Variants in CRABP2 observed in about 807,000 individuals in gnomAD.
CRABP2 encodes the protein cellular retinoic acid binding protein 2.
A neutral mutation model predicts 17.9 loss-of-function variants in CRABP2; 20 were observed. The observed-to-expected ratio is 1.12, with a 90% confidence interval of 0.79 to 1.63. CRABP2 has a LOEUF of 1.63. CRABP2 is among the 40% of genes most tolerant of loss of function. The pLI is 0.00. For synonymous variants in CRABP2, 76 were observed against 66.4 expected, an observed-to-expected ratio of 1.14 and a Z score of -0.70; for missense variants, 151 against 168.6, an observed-to-expected ratio of 0.90 and a Z score of 0.58.
intron 1 of CRABP2, among the ~76,000 whole-genome samples, chr1:156,704,817 T>G (rs1392622080): frequency 9.6e-5 from 10 of 104,424 alleles, no homozygotes; most frequent in South Asian, 2.8e-4. Context: ...GAGAGCAGAG[T>G]GGAAAGTGCA....
chr1:156,704,612 A>G (rs955003775), intron 1 of CRABP2, among the ~76,000 whole-genome samples: 1 of 152,222 alleles, frequency 6.6e-6, no homozygotes, highest in African/African-American at 2.4e-5. Context: ...CCTTTGACCA[A>G]CACACCCAAT....
At chr1:156,705,726 G>C (rs545656373), upstream of CRABP2, 21 of 428,930 alleles carry the variant, frequency 4.9e-5, no homozygotes, top group Middle Eastern at 6.4e-4. The surrounding 1 kb of genome is among the most constrained non-coding windows in gnomAD (Gnocchi z 5.2). Flanking sequence ...TCTAGCCCGC[G>C]TGTGGGTCCA....
intron 1 of CRABP2, among the ~76,000 whole-genome samples, chr1:156,702,321 C>T (rs531025052): frequency 6.6e-5 from 10 of 151,582 alleles, no homozygotes; most frequent in Non-Finnish European, 8.8e-5. Flanking sequence ...CATAGTGGCG[C>T]GCACCTGTAA....
Position 156,700,945 on chromosome 1 carries a change from G to A in CRABP2, c.178C>T (p.Arg60Cys), listed in dbSNP as rs771785983. 1.4e-5 allele frequency: 22 copies of A among 1,614,058 alleles called. No homozygotes were observed. Among genetic ancestry groups the A allele is most frequent in the Middle Eastern group, 3.3e-4 (2 of 6,082 alleles). Residue 60 changes from arginine (R) to cysteine (C), a missense_variant, in exon 2 of 4, where the codon CGC (arginine) becomes TGC (cysteine). Coordinates refer to ENST00000368222, the MANE Select transcript of CRABP2 (RefSeq NM_001878.4). ...TFYIKTSTTV[R>C]TTEINFKVGE... ...ACCTTGAAGTTAATCTCTGTGGTGC[G>A]CACGGTGGTGGAGGTTTTGATGTAG...
rs1036075623 is a variant in CRABP2 at position 156,700,585 on chromosome 1, G to A, written c.323C>T (p.Thr108Ile). 1.2e-6 allele frequency: 2 copies of A among 1,614,048 alleles called. No homozygotes were observed. Among genetic ancestry groups the A allele is most frequent in the African/African-American group, 2.7e-5 (2 of 74,922 alleles). Residue 108 changes from threonine to isoleucine, a missense_variant, in exon 3 of 4, where the codon ACC becomes ATC. Coordinates refer to ENST00000368222, the MANE Select transcript of CRABP2 (RefSeq NM_001878.4). ...QKLLKGEGPK[T>I]SWTRELTNDG... The stretch of plus-strand genomic sequence containing the variant: ...GTTGGTCAGTTCTCTGGTCCACGAG[G>A]TCTTGGGGCCCTCTCCCTTCAGGAG...
chr1:156,700,852 T>A, intron 2 of CRABP2, 22 bp downstream of exon 2: 1 of 1,609,708 alleles, frequency 6.2e-7, no homozygotes, highest in Non-Finnish European at 8.5e-7. Flanking sequence ...GCCATGACCC[T>A]GGAGCCCCTT....
At chr1:156,702,349 G>A (rs1280795873) in intron 1 of CRABP2, among the ~76,000 whole-genome samples, 4 of 151,558 alleles carry the variant, frequency 2.6e-5, no homozygotes. Flanking sequence ...TACTTGGGAC[G>A]CTGAGGCTGG....
intron 2 of CRABP2, 31 bp from the exon 3 acceptor site, chr1:156,700,689 G>T: frequency 1.3e-6 from 2 of 1,595,282 alleles, no homozygotes; most frequent in Non-Finnish European, 1.7e-6. Flanking sequence ...AGTGAGCTGG[G>T]CCCATAGCAG....
intron 1 of CRABP2, among the ~76,000 whole-genome samples, chr1:156,704,927 G>A (rs537094919): frequency 1.3e-5 from 2 of 152,070 alleles, no homozygotes; most frequent in African/African-American, 4.8e-5. Flanking sequence ...TGGGGATTGG[G>A]TTACCGAGGG....
At position 156,705,106 on chromosome 1, in the gene CRABP2, C is replaced by T. The variant is rs545529640; in HGVS notation, c.70+271G>A. Among the ~76,000 whole-genome samples the T allele has an allele frequency of 6.6e-6, 1 of 152,336 alleles. No homozygotes were observed. Among genetic ancestry groups the T allele is most frequent in the East Asian group, 1.9e-4 (1 of 5,180 alleles). On this transcript the variant is annotated intron_variant, in intron 1 of 3. Transcript: ENST00000368222. The surrounding 1 kb of genome is among the most constrained non-coding windows in gnomAD (Gnocchi z 5.2). Reference sequence around the variant, plus strand: ...CGGCCGCTGAGGCCAGCCTCCCCTTCCCCCAGAGGCCAACCTCGCGCTTCT... The same window carrying T: ...CGGCCGCTGAGGCCAGCCTCCCCTTTCCCCAGAGGCCAACCTCGCGCTTCT...
At chr1:156,705,613 T>A (rs1405881525), upstream of CRABP2, 4 of 669,966 alleles carry the variant, frequency 6.0e-6, no homozygotes, top group Admixed American at 2.6e-5. This position sits in a 1 kb window ranked among gnomAD's most constrained non-coding sequence, Gnocchi z 5.2. Flanking sequence ...ACAGCTTTTA[T>A]ACCCTGTACG....
In CRABP2 at chr1:156,700,884, C is replaced by A; in HGVS notation, c.239G>T (p.Arg80Met). The change falls in exon 2 of 4, where the codon AGG becomes ATG. Residue 80 changes from arginine to methionine, a missense_variant. Physicochemically the swap from Arg to Met is moderately conservative, Grantham distance 91. Transcript: ENST00000368222. ...EEFEEQTVDG[R>M]PCKSLVKWES... is the part of the protein sequence containing the mutation. ...CCTTCTGGCACTCACCTTACAGGGC[C>A]TCCCATCCACAGTCTGCTCCTCAAA... The A allele has an allele frequency of 6.2e-7, 1 of 1,613,808 alleles. No individual in the cohort carries two copies. The highest frequency in any genetic ancestry group is 8.5e-7 in the Non-Finnish European group (1 of 1,179,774).
intron 1 of CRABP2, among the ~76,000 whole-genome samples, chr1:156,701,858 G>T (rs750135498): frequency 6.6e-6 from 1 of 152,072 alleles, no homozygotes; most frequent in Non-Finnish European, 1.5e-5. Flanking sequence ...GCCAATCAAG[G>T]TTGGGTATAG....
Position 156,705,237 on chromosome 1 carries a change from G to T in CRABP2, c.70+140C>A. ...CGTCGTGCCCAGAGCCCCGGGACCCGGACGCCTGGCACGTTTTTCGGGGAT... is the reference window on the plus strand; with the variant it reads ...CGTCGTGCCCAGAGCCCCGGGACCCTGACGCCTGGCACGTTTTTCGGGGAT... On this transcript the variant is annotated intron_variant, in intron 1 of 3. Transcript: ENST00000368222. The surrounding 1 kb of genome is among the most constrained non-coding windows in gnomAD (Gnocchi z 5.2). 1 of 920,128 alleles carries T rather than the reference G, an allele frequency of 1.1e-6. No individual in the cohort carries two copies. Among genetic ancestry groups the T allele is most frequent in the Non-Finnish European group, 1.7e-6 (1 of 577,456 alleles). 57.0% of individuals were successfully genotyped at this position (920,128 alleles called of 1,614,324 possible). A position where few individuals can be genotyped will look rare whatever the true frequency, so the allele number is the denominator to read the frequency against.
intron 1 of CRABP2, among the ~76,000 whole-genome samples, chr1:156,702,525 C>T (rs533857619): frequency 1.3e-5 from 2 of 152,196 alleles, no homozygotes; most frequent in South Asian, 4.1e-4. Flanking sequence ...GTAATCCCAG[C>T]ACTTTAGGAG....
Position 156,705,533 on chromosome 1 carries a change from C to G in CRABP2, c.-87G>C. On this transcript the variant is annotated 5_prime_UTR_variant, in exon 1 of 4. Coordinates refer to ENST00000368222, the MANE Select transcript of CRABP2 (RefSeq NM_001878.4). This position sits in a 1 kb window ranked among gnomAD's most constrained non-coding sequence, Gnocchi z 5.2. ...TAGTCAAAAGAGACGTCGCCGTCGCCGGGTCGTCAGGTTCTGGAACCAAGA... is the reference window on the plus strand; with the variant it reads ...TAGTCAAAAGAGACGTCGCCGTCGCGGGGTCGTCAGGTTCTGGAACCAAGA... 3 of 1,478,654 alleles carry G rather than the reference C, an allele frequency of 2.0e-6. No individual in the cohort carries two copies. The highest frequency in any genetic ancestry group is 2.3e-5 in the East Asian group (1 of 44,110). 91.6% of individuals were successfully genotyped at this position (1,478,654 alleles called of 1,614,324 possible).
chr1:156,702,468 AAAAC>A (rs376178596), intron 1 of CRABP2, among the ~76,000 whole-genome samples: 396 of 150,092 alleles, frequency 2.6e-3, no homozygotes, highest in Admixed American at 4.5e-3. Flanking sequence ...AAAAAAACAA[AAAAC>A]AAACAAACAA....
chr1:156,700,517 T>C, intron 3 of CRABP2, 25 bp downstream of exon 3: 5 of 1,566,130 alleles, frequency 3.2e-6, no homozygotes, highest in South Asian at 2.2e-5. Flanking sequence ...GGGTTTGCTA[T>C]TAGTGGGGAG....
rs752948383 is a variant in CRABP2 at position 156,700,992 on chromosome 1, A to G, written c.131T>C (p.Ile44Thr). The G allele has an allele frequency of 1.2e-6, 2 of 1,613,860 alleles. No individual in the cohort carries two copies. Among genetic ancestry groups the G allele is most frequent in the Non-Finnish European group, 1.7e-6 (2 of 1,179,986 alleles). Reference sequence around the variant, plus strand: ...GTAGAAAGTGTCTCCCTCCTGTTTGATCTCCACTGCTGGCTTGGACGCTGC... The same window carrying G: ...GTAGAAAGTGTCTCCCTCCTGTTTGGTCTCCACTGCTGGCTTGGACGCTGC... ...VAAASKPAVE[I>T]KQEGDTFYIK... Residue 44 changes from isoleucine to threonine, a missense_variant, in exon 2 of 4, where the codon ATC becomes ACC. By Grantham distance (89) the Ile-to-Thr change is moderately conservative. Transcript: ENST00000368222.
Sources: allele counts gnomAD v4.1 joint callset (sites outside exome capture counted in the v4.1 genomes callset), GRCh38; gene constraint gnomAD v4.1.1; non-coding constraint Gnocchi (gnomAD v3.1); transcripts MANE v1.5; gene names NCBI Gene and HGNC (gene_info 2026-07-23, HGNC 2026-07-21).